The following GPHN variants were observed in gnomAD, a reference collection of about 807,000 sequenced individuals.
The protein encoded by GPHN is gephyrin.
A neutral mutation model predicts 95.5 loss-of-function variants in GPHN; 17 were observed. That is an observed-to-expected ratio of 0.18 (90% CI 0.12 to 0.27). The LOEUF (loss-of-function observed/expected upper bound fraction) is 0.27, where lower values mean the gene tolerates loss of function less well. Ranked by LOEUF, GPHN falls within the 10% of genes least tolerant of loss-of-function variation. The pLI is 1.00. For missense variants in GPHN, 660 were observed against 978.1 expected (o/e 0.67, Z 4.34); for synonymous variants, 320 against 322.5 (o/e 0.99, Z 0.08).
intron 1 of GPHN, among the ~76,000 whole-genome samples, chr14:66,512,316 G>C (rs2058069389): frequency 6.6e-6 from 1 of 151,776 alleles, no homozygotes; most frequent in Non-Finnish European, 1.5e-5. Flanking sequence ...AGTTTTACCT[G>C]TAAAAGCTCT....
the GPHN span, among the ~76,000 whole-genome samples, chr14:67,634,183 T>C: frequency 6.6e-6 from 1 of 152,166 alleles, no homozygotes; most frequent in Non-Finnish European, 1.5e-5. Context: ...CCCAAACCAG[T>C]ATTTTGTTTC....
chr14:67,585,308 G>C, the GPHN span: 2 of 453,988 alleles, frequency 4.4e-6, no homozygotes, highest in African/African-American at 4.1e-5. Flanking sequence ...ATGGGTTCTA[G>C]GGACATCAAA....
intron 11 of GPHN, among the ~76,000 whole-genome samples, chr14:67,070,786 C>A (rs1242800990): frequency 6.7e-6 from 1 of 148,726 alleles, no homozygotes; most frequent in African/African-American, 2.5e-5. Context: ...TACTGTGGGT[C>A]CCACTTGTGT....
rs953931800 is a variant in GPHN at position 67,181,016 on chromosome 14, G to C, written c.*79G>C. On this transcript the variant is annotated 3_prime_UTR_variant, in exon 23 of 23. Coordinates refer to ENST00000478722, the MANE Select transcript of GPHN (RefSeq NM_020806.5). ...CCTGTAATATGCAACGGCACAGCTA[G>C]TTTTCCCGATTTGGATAAAAGTTGA... The C allele has an allele frequency of 2.9e-5, 41 of 1,391,540 alleles. No homozygotes were observed. In the African/African-American group the frequency reaches 5.1e-4, roughly 17 times the overall value. 86.2% of individuals were successfully genotyped at this position (1,391,540 alleles called of 1,614,324 possible).
At chr14:67,091,594 G>A (rs930160195) in intron 12 of GPHN, among the ~76,000 whole-genome samples, 7 of 151,864 alleles carry the variant, frequency 4.6e-5, no homozygotes, top group South Asian at 2.1e-4. Flanking sequence ...GTAACATAAT[G>A]TGGGAGAGAG....
chr14:66,622,021 A>C (rs959373108), intron 1 of GPHN, among the ~76,000 whole-genome samples: 2 of 152,124 alleles, frequency 1.3e-5, no homozygotes, highest in East Asian at 3.9e-4. Flanking sequence ...TCAACCCCAC[A>C]TTTCTTTTCT....
intron 3 of GPHN, among the ~76,000 whole-genome samples, chr14:66,785,295 G>A (rs990758331): frequency 2.0e-5 from 3 of 152,202 alleles, no homozygotes; most frequent in African/African-American, 7.2e-5. Flanking sequence ...GAACCGGGGA[G>A]GTGGAGGTTG....
At chr14:67,547,675 G>C in the GPHN span, among the ~76,000 whole-genome samples, 2 of 152,336 alleles carry the variant, frequency 1.3e-5, no homozygotes, top group East Asian at 3.9e-4. Context: ...TTCCCTGGGG[G>C]ACCATCTCTG....
chr14:66,886,899 T>G (rs1315183223), intron 5 of GPHN, among the ~76,000 whole-genome samples: 2 of 151,972 alleles, frequency 1.3e-5, no homozygotes, highest in Non-Finnish European at 2.9e-5. Context: ...TTGCTAGAGG[T>G]TCAGTGCAGA....
chr14:67,084,549 A>C (rs1027033901), intron 11 of GPHN, among the ~76,000 whole-genome samples: 2 of 152,136 alleles, frequency 1.3e-5, no homozygotes, highest in African/African-American at 4.8e-5. Flanking sequence ...ATGTCATACT[A>C]TCTTGTAATC....
the GPHN span, among the ~76,000 whole-genome samples, chr14:67,322,181 A>G: frequency 6.6e-5 from 10 of 151,930 alleles, no homozygotes; most frequent in Non-Finnish European, 1.5e-4. Flanking sequence ...CCCCATCTCT[A>G]CCAAAAATTA....
At chr14:67,636,810 G>T in the GPHN span, among the ~76,000 whole-genome samples, 1 of 152,194 alleles carries the variant, frequency 6.6e-6, no homozygotes, top group Non-Finnish European at 1.5e-5. Context: ...CTTTCACATT[G>T]TTCCAAATCT....
chr14:67,249,144 T>A, the GPHN span, among the ~76,000 whole-genome samples: 2 of 152,046 alleles, frequency 1.3e-5, no homozygotes. Flanking sequence ...TGTATTTTTG[T>A]GGAGATGGGG....
chr14:67,462,540 T>C, the GPHN span, among the ~76,000 whole-genome samples: 1 of 152,044 alleles, frequency 6.6e-6, no homozygotes, highest in Non-Finnish European at 1.5e-5. Flanking sequence ...GATAGGGTCT[T>C]GCTATGTTGC....
At chr14:66,536,199 C>T (rs1454215461) in intron 1 of GPHN, among the ~76,000 whole-genome samples, 1 of 152,186 alleles carries the variant, frequency 6.6e-6, no homozygotes, top group African/African-American at 2.4e-5. Context: ...GATATTCCCA[C>T]CTCGGCCTCC....
chr14:67,188,992 C>T, the GPHN span, among the ~76,000 whole-genome samples: 2 of 152,018 alleles, frequency 1.3e-5, no homozygotes, highest in Non-Finnish European at 2.9e-5. Context: ...CGCCCGGCCT[C>T]AGCTCTGTTT....
chr14:67,377,488 T>C, the GPHN span, among the ~76,000 whole-genome samples: 3 of 152,226 alleles, frequency 2.0e-5, no homozygotes, highest in Admixed American at 6.5e-5. Context: ...TTTTATTTTA[T>C]AAAGAAAATA....
At chr14:67,517,989 A>T in the GPHN span, among the ~76,000 whole-genome samples, 1 of 152,292 alleles carries the variant, frequency 6.6e-6, no homozygotes, top group Non-Finnish European at 1.5e-5. Context: ...CTGTAACAGT[A>T]AGGGGCCCCC....
intron 4 of GPHN, among the ~76,000 whole-genome samples, chr14:66,851,889 C>T (rs1322645336): frequency 1.3e-5 from 2 of 152,030 alleles, no homozygotes; most frequent in East Asian, 1.9e-4. Flanking sequence ...TGGAATAGTT[C>T]AGATAAAAGA....
Sources: allele counts gnomAD v4.1 joint callset (sites outside exome capture counted in the v4.1 genomes callset), GRCh38; gene constraint gnomAD v4.1.1; transcripts MANE v1.5; gene names NCBI Gene and HGNC (gene_info 2026-07-23, HGNC 2026-07-21).